Variants in CCDC150 observed in about 807,000 individuals in gnomAD.
The protein encoded by CCDC150 is coiled-coil domain containing 150, also known as coiled-coil domain-containing protein 150.
CCDC150 carries 151 observed loss-of-function variants against 156.5 expected under a neutral mutation model. The observed-to-expected ratio is 0.97, with a 90% CI of 0.85 to 1.10. The LOEUF (loss-of-function observed/expected upper bound fraction) is 1.10, where lower values mean the gene tolerates loss of function less well. Among genes scored for constraint, CCDC150 ranks in the 50% least tolerant of loss-of-function variants. The probability of loss-of-function intolerance (pLI) is 0.00; values close to 1 mark genes in which losing one functional copy is unlikely to be tolerated. For synonymous variants in CCDC150, 452 were observed against 429.4 expected (o/e 1.05, Z -0.65); for missense variants, 1,312 against 1,268.1 (o/e 1.03, Z -0.53).
At chr2:196,719,900 A>G in intron 19 of CCDC150, 1 of 344,854 alleles carries the variant, frequency 2.9e-6, no homozygotes, top group Non-Finnish European at 5.4e-6. Context: ...TCTAGACTAT[A>G]TATCCTAGAA....
intron 14 of CCDC150, among the ~76,000 whole-genome samples, chr2:196,698,738 G>A (rs1043615664): frequency 6.6e-6 from 1 of 152,044 alleles, no homozygotes; most frequent in East Asian, 1.9e-4. Flanking sequence ...TGTGCACAAC[G>A]TGCAAGTTTG....
At chr2:196,710,841 A>T (rs1007344161) in intron 15 of CCDC150, among the ~76,000 whole-genome samples, 14 of 152,062 alleles carry the variant, frequency 9.2e-5, no homozygotes, top group African/African-American at 3.1e-4. Context: ...GATAGGCTAC[A>T]CAGAAGCTTT....
At chr2:196,714,695 G>A (rs978234207) in intron 17 of CCDC150, among the ~76,000 whole-genome samples, 10 of 152,130 alleles carry the variant, frequency 6.6e-5, no homozygotes, top group African/African-American at 2.4e-4. Flanking sequence ...AAATCAGCAT[G>A]AATTGGCCTT....
chr2:196,719,433 A>T (rs1420936954), intron 18 of CCDC150, 64 bp from the exon 19 acceptor site: 4 of 1,369,250 alleles, frequency 2.9e-6, no homozygotes, highest in Non-Finnish European at 3.9e-6. Context: ...GAGTAATGAG[A>T]TCCACAAGCA....
intron 7 of CCDC150, among the ~76,000 whole-genome samples, chr2:196,668,937 A>C (rs531108952): frequency 6.6e-6 from 1 of 152,326 alleles, no homozygotes; most frequent in South Asian, 2.1e-4. Context: ...ATAAAATATC[A>C]GTTTTTATGT....
At chr2:196,708,324 G>T (rs1008113194) in intron 15 of CCDC150, among the ~76,000 whole-genome samples, 11 of 152,078 alleles carry the variant, frequency 7.2e-5, no homozygotes, top group Non-Finnish European at 1.3e-4. Context: ...GACTAGGATT[G>T]CAACCCCTGC....
intron 2 of CCDC150, 38 bp from the exon 3 acceptor site, chr2:196,656,595 G>T: frequency 7.2e-7 from 1 of 1,383,398 alleles, no homozygotes; most frequent in South Asian, 1.3e-5. Flanking sequence ...AGTAGAAATT[G>T]CATTGCATAA....
intron 10 of CCDC150, 89 bp from the exon 11 acceptor site, chr2:196,676,054 G>A (rs1053471651): frequency 8.0e-7 from 1 of 1,254,580 alleles, no homozygotes; most frequent in African/African-American, 1.5e-5. Flanking sequence ...TTTTAAGTTA[G>A]TTCAGTGTTT....
At chr2:196,694,289 C>T (rs184501916) in intron 13 of CCDC150, among the ~76,000 whole-genome samples, 1 of 152,256 alleles carries the variant, frequency 6.6e-6, no homozygotes, top group East Asian at 1.9e-4. Context: ...CTCTTGACCT[C>T]AGGTGATCCA....
chr2:196,710,113 C>A (rs986140632), intron 15 of CCDC150, among the ~76,000 whole-genome samples: 1 of 152,218 alleles, frequency 6.6e-6, no homozygotes, highest in East Asian at 1.9e-4. Context: ...GCCCTGCCCC[C>A]AGAGGTGGAG....
chr2:196,728,764 A>G (rs1698357624), intron 22 of CCDC150, among the ~76,000 whole-genome samples: 1 of 152,150 alleles, frequency 6.6e-6, no homozygotes. Flanking sequence ...GCCAGCCTCT[A>G]CTTCTTTCTT....
intron 20 of CCDC150, among the ~76,000 whole-genome samples, chr2:196,721,120 T>C (rs141536998): frequency 6.2e-4 from 94 of 151,814 alleles, no homozygotes; most frequent in African/African-American, 1.8e-3. Flanking sequence ...AGGTTTTTTT[T>C]CTGTAAGAAT....
rs368153702 is a variant in CCDC150, at chr2:196,639,746, T to C, written c.-21T>C. ...ACGGAAACCCGCTCGCCTGCTGCAGTACGGAGCCTCAGGCGGACAGATGGA... is the reference window on the plus strand; with the variant it reads ...ACGGAAACCCGCTCGCCTGCTGCAGCACGGAGCCTCAGGCGGACAGATGGA... On this transcript the variant is annotated 5_prime_UTR_variant, in exon 1 of 28. Coordinates refer to ENST00000389175, the MANE Select transcript of CCDC150 (RefSeq NM_001080539.2). 2.2e-4 allele frequency: 340 copies of C among 1,564,048 alleles called. No homozygotes were observed. The highest frequency in any genetic ancestry group is 2.5e-4 in the Non-Finnish European group (283 of 1,149,646).
At chr2:196,660,841 C>T (rs998563870) in intron 5 of CCDC150, among the ~76,000 whole-genome samples, 6 of 152,112 alleles carry the variant, frequency 3.9e-5, no homozygotes, top group African/African-American at 1.4e-4. Context: ...ATGGATTGTA[C>T]TGTTAGAATT....
chr2:196,665,395 G>A (rs1233733862), intron 5 of CCDC150, among the ~76,000 whole-genome samples, 172 bp from the exon 6 acceptor site: 1 of 152,116 alleles, frequency 6.6e-6, no homozygotes, highest in Non-Finnish European at 1.5e-5. Flanking sequence ...TTCCTTAGGA[G>A]GTAATCCTAG....
In CCDC150 at chr2:196,716,898, C is replaced by T. The variant is rs1370411287; in HGVS notation, c.1867-1605C>T. Among the ~76,000 whole-genome samples, 7 of 139,830 alleles carry T rather than the reference C, an allele frequency of 5.0e-5. 1 individual carries two copies. The highest frequency in any genetic ancestry group is 1.9e-4 in the African/African-American group (7 of 37,224). The allele number at this position is 139,830 out of a possible 152,430, so 91.7% of individuals were successfully genotyped here. A position where few individuals can be genotyped will look rare whatever the true frequency, so the allele number is the denominator to read the frequency against. ...GAGACAGAGAGTCTCGCTGTGTCGCCAGGCTGGAGTACAGTGGCGCCATCT... is the reference window on the plus strand; with the variant it reads ...GAGACAGAGAGTCTCGCTGTGTCGCTAGGCTGGAGTACAGTGGCGCCATCT... On this transcript the variant is annotated intron_variant, in intron 17 of 27. Coordinates refer to ENST00000389175, the MANE Select transcript of CCDC150 (RefSeq NM_001080539.2).
intron 20 of CCDC150, among the ~76,000 whole-genome samples, 152 bp from the exon 21 acceptor site, chr2:196,721,370 T>A (rs1410521397): frequency 3.1e-4 from 7 of 22,732 alleles, no homozygotes; most frequent in African/African-American, 5.1e-4. Flanking sequence ...ATATATATAT[T>A]TTCCAGGCAG....
At chr2:196,686,473 T>C (rs558449246) in intron 13 of CCDC150, 5 of 152,518 alleles carry the variant, frequency 3.3e-5, no homozygotes, top group African/African-American at 1.2e-4. Context: ...TGTGGGGATT[T>C]CAACTGAAAT....
chr2:196,695,323 G>T lies in CCDC150; in HGVS notation c.1623+164G>T, dbSNP rs1437374991. On this transcript the variant is annotated intron_variant, in intron 14 of 27. Transcript: ENST00000389175. The stretch of plus-strand genomic sequence containing the variant: ...AAACAATAGTGATTTGAGAAACCAA[G>T]AATTTAAGGGATTTATTAAACATTT... 2.0e-5 allele frequency among the ~76,000 whole-genome samples: 3 copies of T among 152,178 alleles called. No homozygotes were observed. The East Asian group carries it at 5.8e-4, about 29-fold the overall frequency.
Sources: gnomAD v4.1 joint callset for allele counts (sites outside exome capture counted in the v4.1 genomes callset) on GRCh38, gnomAD v4.1.1 for gene constraint, MANE v1.5 for transcripts, NCBI Gene and HGNC (gene_info 2026-07-23, HGNC 2026-07-21) for gene names.